Variants in FGGY observed in about 807,000 individuals in gnomAD.
The protein encoded by FGGY is FGGY carbohydrate kinase domain containing.
In FGGY, 72 loss-of-function variants were observed where a neutral mutation model predicts 71.3. That is an observed-to-expected ratio of 1.01 (90% confidence interval 0.84 to 1.23). The LOEUF is 1.23. Ranked by LOEUF, FGGY falls within the 50% of genes most tolerant of loss-of-function variation. The pLI, the probability that FGGY is intolerant of heterozygous loss-of-function variation, is 0.00. For synonymous variants in FGGY, 251 were observed against 250.3 expected (o/e 1.00, Z -0.02); for missense variants, 668 against 682.3 (o/e 0.98, Z 0.23).
intron 11 of FGGY, among the ~76,000 whole-genome samples, chr1:59,647,741 CTTTT>C (rs578262218): frequency 1.2e-4 from 13 of 111,636 alleles, no homozygotes; most frequent in African/African-American, 3.6e-4. Flanking sequence ...CTGCCACCAT[CTTTT>C]TTTTTTTTTT....
chr1:59,530,927 C>T (rs1048986877), intron 7 of FGGY, among the ~76,000 whole-genome samples: 3 of 152,098 alleles, frequency 2.0e-5, no homozygotes, highest in African/African-American at 4.8e-5. Context: ...GACCAGAAGA[C>T]GGGACTGTTG....
At chr1:59,559,560 T>G (rs1249789410) in intron 8 of FGGY, among the ~76,000 whole-genome samples, 1 of 152,164 alleles carries the variant, frequency 6.6e-6, no homozygotes, top group East Asian at 1.9e-4. Context: ...CAAGAGCTAG[T>G]TTTTACAAGC....
chr1:59,726,208 C>A (rs570217407), intron 14 of FGGY, among the ~76,000 whole-genome samples: 2 of 152,028 alleles, frequency 1.3e-5, no homozygotes, highest in East Asian at 3.8e-4. Context: ...TTTATTTAAT[C>A]TGTTGATGTA....
intron 2 of FGGY, among the ~76,000 whole-genome samples, chr1:59,329,825 C>T (rs920382470): frequency 2.0e-5 from 3 of 152,200 alleles, no homozygotes; most frequent in African/African-American, 7.2e-5. Flanking sequence ...TATAATTAAA[C>T]ATTCACTTCC....
At chr1:59,309,242 G>A (rs925347873) in intron 1 of FGGY, among the ~76,000 whole-genome samples, 1 of 152,126 alleles carries the variant, frequency 6.6e-6, no homozygotes, top group Non-Finnish European at 1.5e-5. Flanking sequence ...TTTGTTAGGT[G>A]TAAAATTATA....
intron 14 of FGGY, among the ~76,000 whole-genome samples, chr1:59,745,758 A>C (rs1168300271): frequency 1.3e-5 from 2 of 152,214 alleles, no homozygotes; most frequent in African/African-American, 4.8e-5. Context: ...ATGGACTCTA[A>C]GCTAGCTATG....
intron 6 of FGGY, among the ~76,000 whole-genome samples, chr1:59,483,556 G>A (rs546854343): frequency 6.6e-5 from 10 of 152,206 alleles, no homozygotes; most frequent in Admixed American, 5.9e-4. Flanking sequence ...GTCATAAATT[G>A]TCTATTCTCT....
At chr1:59,371,041 A>G (rs1016141164) in intron 4 of FGGY, among the ~76,000 whole-genome samples, 2 of 152,040 alleles carry the variant, frequency 1.3e-5, no homozygotes, top group Non-Finnish European at 2.9e-5. Context: ...GACAGGATCA[A>G]ATTCACACAT....
At chr1:59,389,440 A>G (rs1186550245) in intron 5 of FGGY, among the ~76,000 whole-genome samples, 1 of 152,222 alleles carries the variant, frequency 6.6e-6, no homozygotes, top group East Asian at 1.9e-4. Flanking sequence ...TATTGTGTGC[A>G]TATACTACAT....
At chr1:59,589,700 T>C (rs550576672) in intron 8 of FGGY, among the ~76,000 whole-genome samples, 1 of 152,024 alleles carries the variant, frequency 6.6e-6, no homozygotes, top group Non-Finnish European at 1.5e-5. Flanking sequence ...GGGTACATAA[T>C]GAAATGAAGG....
chr1:59,761,055 T>C (rs1196596272), intron 15 of FGGY, among the ~76,000 whole-genome samples: 2 of 152,236 alleles, frequency 1.3e-5, no homozygotes, highest in Non-Finnish European at 2.9e-5. Flanking sequence ...ATATCACTTA[T>C]TATGAGTCAG....
intron 5 of FGGY, among the ~76,000 whole-genome samples, chr1:59,451,353 G>T (rs1206156516): frequency 6.9e-6 from 1 of 145,050 alleles, no homozygotes; most frequent in Non-Finnish European, 1.5e-5. Context: ...GTTCCAGACT[G>T]TTACTAAGTT....
chr1:59,685,764 AT>A (rs963179607), intron 14 of FGGY, among the ~76,000 whole-genome samples: 4 of 151,412 alleles, frequency 2.6e-5, no homozygotes, highest in African/African-American at 7.3e-5. Flanking sequence ...AGTTATTATT[AT>A]TTTTTTTTAA....
intron 8 of FGGY, among the ~76,000 whole-genome samples, chr1:59,600,075 G>A (rs893373262): frequency 6.6e-6 from 1 of 152,184 alleles, no homozygotes; most frequent in African/African-American, 2.4e-5. Context: ...AGAGAGTACA[G>A]GATGGAGGAC....
intron 14 of FGGY, among the ~76,000 whole-genome samples, chr1:59,712,358 G>A (rs970495197): frequency 1.3e-4 from 20 of 152,144 alleles, no homozygotes; most frequent in Non-Finnish European, 2.1e-4. Context: ...TTTTCCAGGC[G>A]TGCAGTGCAA....
intron 14 of FGGY, among the ~76,000 whole-genome samples, chr1:59,689,169 C>T (rs1212163591): frequency 6.6e-6 from 1 of 152,120 alleles, no homozygotes; most frequent in Non-Finnish European, 1.5e-5. Context: ...GTTGCATAAT[C>T]TACTCTCTGG....
chr1:59,507,684 A>ATTT lies in FGGY; in HGVS notation c.671-4606_671-4604dup, dbSNP rs561953004. On this transcript the variant is annotated intron_variant, in intron 6 of 15. Transcript: ENST00000303721. ...AGGCAACTGCAACCATGCTTGGCTA[A>ATTT]TTTTTTTTTTTTTTTTTTTTTTTGT... is the stretch of plus-strand genomic sequence containing the variant. Among the ~76,000 whole-genome samples, 67 of 106,902 alleles carry ATTT rather than the reference A, an allele frequency of 6.3e-4. 1 individual carries two copies. Among genetic ancestry groups the ATTT allele is most frequent in the African/African-American group, 1.3e-3 (33 of 24,602 alleles). The allele number at this position is 106,902 out of a possible 152,430, so 70.1% of individuals were successfully genotyped here.
intron 7 of FGGY, among the ~76,000 whole-genome samples, chr1:59,521,064 T>A (rs2094817780): frequency 6.6e-6 from 1 of 151,054 alleles, no homozygotes; most frequent in South Asian, 2.1e-4. Context: ...GCAGATAAAG[T>A]CATGCCGTGG....
chr1:59,697,102 A>AT (rs1202463598), intron 14 of FGGY, among the ~76,000 whole-genome samples: 2 of 152,250 alleles, frequency 1.3e-5, no homozygotes, highest in African/African-American at 4.8e-5. Flanking sequence ...GTCATGCTTC[A>AT]TATTGTGCCA....
Sources: gnomAD v4.1 joint callset for allele counts (sites outside exome capture counted in the v4.1 genomes callset) on GRCh38, gnomAD v4.1.1 for gene constraint, MANE v1.5 for transcripts, NCBI Gene and HGNC (gene_info 2026-07-23, HGNC 2026-07-21) for gene names.